The following PRPF3 variants were observed in gnomAD, a reference collection of about 807,000 sequenced individuals.
PRPF3 encodes the protein U4/U6 small nuclear ribonucleoprotein Prp3.
PRPF3 carries 3 observed loss-of-function variants against 89.2 expected under a neutral mutation model. The observed-to-expected ratio is 0.03, with a 90% confidence interval of 0.02 to 0.09. The LOEUF is 0.09. Among genes scored for constraint, PRPF3 ranks in the 10% least tolerant of loss-of-function variants. PRPF3 has a pLI of 1.00. For synonymous variants in PRPF3, 270 were observed against 289.1 expected, an observed-to-expected ratio of 0.93 and a Z score of 0.67; for missense variants, 463 against 828.8, an observed-to-expected ratio of 0.56 and a Z score of 5.42.
chr1:150,326,442 C>A (rs1486189096), intron 3 of PRPF3, among the ~76,000 whole-genome samples: 12 of 152,162 alleles, frequency 7.9e-5, no homozygotes, highest in African/African-American at 2.9e-4. Context: ...ACCCCCTTAA[C>A]TACTACACTT....
In PRPF3 at chr1:150,323,173, C is replaced by CTTTTTTTTTTTTT. The variant is rs71083901; in HGVS notation, c.-49+1593_-49+1605dup. ...TACAGGCGTGAGCCACCGCACCTGG[C>CTTTTTTTTTTTTT]TTTTTTTTTTTTTTTTTTTTTTTTG... is the stretch of plus-strand genomic sequence containing the variant. On this transcript the variant is annotated intron_variant, in intron 1 of 15. Coordinates refer to ENST00000324862, the MANE Select transcript of PRPF3 (RefSeq NM_004698.4). Among the ~76,000 whole-genome samples the CTTTTTTTTTTTTT allele has an allele frequency of 1.3e-3, 62 of 48,284 alleles. 15 individuals carry two copies. Among genetic ancestry groups the CTTTTTTTTTTTTT allele is most frequent in the African/African-American group, 5.1e-3 (53 of 10,350 alleles). The allele number at this position is 48,284 out of a possible 152,430, so 31.7% of individuals were successfully genotyped here. A position where few individuals can be genotyped will look rare whatever the true frequency, so the allele number is the denominator to read the frequency against.
At chr1:150,352,556 T>C (rs781795972) in intron 15 of PRPF3, among the ~76,000 whole-genome samples, 2 of 152,074 alleles carry the variant, frequency 1.3e-5, no homozygotes, top group Non-Finnish European at 2.9e-5. Flanking sequence ...TCCCAGCTAC[T>C]CCAGAGGCTG....
intron 13 of PRPF3, 24 bp downstream of exon 13, chr1:150,346,160 G>C: frequency 6.3e-7 from 1 of 1,591,986 alleles, no homozygotes; most frequent in Non-Finnish European, 8.6e-7. Flanking sequence ...ACTTGAGGGA[G>C]ACTGTCCCCA....
intron 12 of PRPF3, 133 bp from the exon 13 acceptor site, chr1:150,345,885 A>T (rs1157289443): frequency 1.3e-6 from 1 of 767,842 alleles, no homozygotes; most frequent in Admixed American, 1.7e-5. Flanking sequence ...TTAAGCATTC[A>T]TCTATTTGTT....
rs150507574 is a variant in PRPF3, at chr1:150,346,940, A to T, written c.1843+449A>T. 7.0e-3 allele frequency among the ~76,000 whole-genome samples: 1,067 copies of T among 152,110 alleles called. 11 individuals carry two copies. Among genetic ancestry groups the T allele is most frequent in the African/African-American group, 0.024 (1,016 of 41,474 alleles). ...ACCCCATATCTACAAAAAGTACAAA[A>T]ATTAGCTGGATGTGGTGGCACACAC... On this transcript the variant is annotated intron_variant, in intron 14 of 15. Coordinates refer to ENST00000324862, the MANE Select transcript of PRPF3 (RefSeq NM_004698.4).
chr1:150,349,927 C>G (rs1049460141), intron 15 of PRPF3, among the ~76,000 whole-genome samples: 1 of 151,654 alleles, frequency 6.6e-6, no homozygotes, highest in Non-Finnish European at 1.5e-5. Flanking sequence ...GCTCTTGTTG[C>G]TCTTGTTGCC....
rs782539329 is a variant in PRPF3 at position 150,333,005 on chromosome 1, A to G, written c.534A>G (p.Pro178=). 5.0e-6 allele frequency: 8 copies of G among 1,613,866 alleles called. No homozygotes were observed. The highest frequency in any genetic ancestry group is 5.9e-6 in the Non-Finnish European group (7 of 1,179,994). Residue 178 remains proline (P), a synonymous_variant, in exon 6 of 16, where the codon CCA becomes CCG. Coordinates refer to ENST00000324862, the MANE Select transcript of PRPF3 (RefSeq NM_004698.4). The stretch of plus-strand genomic sequence containing the variant: ...CAAAGACTCCTTCTTCCTCCCAACC[A>G]GAACGACTTCCTATTGGCAACACTA... The part of the protein sequence containing the change: ...PQPKTPSSSQ[P]ERLPIGNTIQ...
At chr1:150,325,440 G>T (rs1273897700) in intron 2 of PRPF3, among the ~76,000 whole-genome samples, 12 of 152,122 alleles carry the variant, frequency 7.9e-5, no homozygotes, top group African/African-American at 2.9e-4. Flanking sequence ...CTTGAAGGAG[G>T]TAGATTTTGT....
chr1:150,325,603 A>T, intron 2 of PRPF3, 148 bp from the exon 3 acceptor site: 3 of 1,010,564 alleles, frequency 3.0e-6, no homozygotes, highest in Non-Finnish European at 4.5e-6. Context: ...AAGGTCATTT[A>T]GTGTAAGAGA....
At chr1:150,328,119 T>C (rs1655920118) in intron 3 of PRPF3, 1 of 583,500 alleles carries the variant, frequency 1.7e-6, no homozygotes, top group African/African-American at 1.9e-5. Context: ...GGGAATGAAA[T>C]TTGTTTGACT....
chr1:150,343,749 T>C (rs1658017151), intron 10 of PRPF3, among the ~76,000 whole-genome samples: 2 of 152,220 alleles, frequency 1.3e-5, no homozygotes, highest in East Asian at 3.8e-4. Flanking sequence ...GCGTAGACTT[T>C]TTATGTACAT....
At chr1:150,349,352 C>A in intron 15 of PRPF3, 134 bp downstream of exon 15, 1 of 777,974 alleles carries the variant, frequency 1.3e-6, no homozygotes, top group Non-Finnish European at 2.2e-6. Flanking sequence ...TTTTTGGAAT[C>A]CATTTTTAAA....
At chr1:150,322,890 C>G (rs782154622) in intron 1 of PRPF3, among the ~76,000 whole-genome samples, 12 of 134,298 alleles carry the variant, frequency 8.9e-5, no homozygotes, top group Non-Finnish European at 1.9e-4. Context: ...TTTTTTTTTC[C>G]CCGGGACGGA....
chr1:150,323,307 G>C (rs1028915025), intron 1 of PRPF3, among the ~76,000 whole-genome samples: 8 of 147,902 alleles, frequency 5.4e-5, no homozygotes, highest in African/African-American at 2.0e-4. Flanking sequence ...CTCATAAGTA[G>C]CTGGGATTAC....
At position 150,338,498 on chromosome 1, in the gene PRPF3, AT is replaced by A. The variant is rs1266003723; in HGVS notation, c.1202+192del. On this transcript the variant is annotated intron_variant, in intron 8 of 15. Transcript: ENST00000324862. ...AAGTAACTGTACACAAGGTCCTGTTATTTTTTTTTTTTTTTTTTTTGAGAGG... is the reference window on the plus strand; with the variant it reads ...AAGTAACTGTACACAAGGTCCTGTTATTTTTTTTTTTTTTTTTTTGAGAGG... Among the ~76,000 whole-genome samples, 71 of 141,112 alleles carry A rather than the reference AT, an allele frequency of 5.0e-4. 13 individuals carry two copies. The highest frequency in any genetic ancestry group is 7.4e-4 in the African/African-American group (28 of 37,590). The allele number at this position is 141,112 out of a possible 152,430, so 92.6% of individuals were successfully genotyped here.
chr1:150,333,241 T>G, intron 6 of PRPF3, 42 bp downstream of exon 6: 1 of 1,594,690 alleles, frequency 6.3e-7, no homozygotes, highest in Non-Finnish European at 8.6e-7. Context: ...TTTCTGAAGT[T>G]TGAGAAGCAA....
At position 150,333,985 on chromosome 1, in the gene PRPF3, G is replaced by A. The variant is rs909122838; in HGVS notation, c.728+786G>A. ...ATTTCATTTGGTTGTCCTGTATACT[G>A]AAATATCCACTTTGATATTTTTAAT... On this transcript the variant is annotated intron_variant, in intron 6 of 15. Coordinates refer to ENST00000324862, the MANE Select transcript of PRPF3 (RefSeq NM_004698.4). Among the ~76,000 whole-genome samples, 3 of 152,116 alleles carry A rather than the reference G, an allele frequency of 2.0e-5. No individual in the cohort carries two copies. The South Asian group carries it at 6.2e-4, about 32-fold the overall frequency.
chr1:150,347,801 C>T (rs587697289), intron 14 of PRPF3, among the ~76,000 whole-genome samples: 1 of 152,096 alleles, frequency 6.6e-6, no homozygotes, highest in Non-Finnish European at 1.5e-5. Flanking sequence ...TATACTTTCT[C>T]AGAATACTTA....
chr1:150,335,079 A>T lies in PRPF3; in HGVS notation c.873A>T (p.Glu291Asp), dbSNP rs587605872. Residue 291 changes from glutamate (E) to aspartate (D), a missense_variant, in exon 7 of 16, where the codon GAA becomes GAT. Glu to Asp is a conservative substitution (Grantham distance 45). Transcript: ENST00000324862. ...CCAATATTCGTGCTGTGAAGAGGGA[A>T]CAATTCAAGCAACAACTAAAGGAAA... ...LKANIRAVKR[E>D]QFKQQLKEKP... 6.2e-7 allele frequency: 1 copy of T among 1,614,140 alleles called. No individual in the cohort carries two copies. The highest frequency in any genetic ancestry group is 2.2e-5 in the East Asian group (1 of 44,886).
Sources: gnomAD v4.1 joint callset for allele counts (sites outside exome capture counted in the v4.1 genomes callset) on GRCh38, gnomAD v4.1.1 for gene constraint, MANE v1.5 for transcripts, NCBI Gene and HGNC (gene_info 2026-07-23, HGNC 2026-07-21) for gene names.